CRISPLD1: variants seen among roughly 807,000 people sequenced by gnomAD.
CRISPLD1 encodes cysteine-rich secretory protein LCCL domain-containing 1.
CRISPLD1 carries 60 observed loss-of-function variants against 77.5 expected under a neutral mutation model. The ratio of observed to expected loss-of-function variants is 0.77; its 90% CI spans 0.63 to 0.96. The LOEUF (loss-of-function observed/expected upper bound fraction) is 0.96. CRISPLD1 is among the 40% of genes least tolerant of loss of function. The pLI is 0.00. For synonymous variants in CRISPLD1, 195 were observed against 200.1 expected, an observed-to-expected ratio of 0.97 and a Z score of 0.22; for missense variants, 623 against 615.8, an observed-to-expected ratio of 1.01 and a Z score of -0.12.
intron 7 of CRISPLD1, 33 bp downstream of exon 7, chr8:75,016,738 A>G (rs769812900): frequency 3.2e-6 from 5 of 1,585,696 alleles, no homozygotes; most frequent in African/African-American, 1.4e-5. Flanking sequence ...AAAAATTTTC[A>G]AAGTACATAA....
At chr8:75,013,444 A>G (rs1223211469) in intron 4 of CRISPLD1, among the ~76,000 whole-genome samples, 1 of 152,130 alleles carries the variant, frequency 6.6e-6, no homozygotes, top group Non-Finnish European at 1.5e-5. Context: ...AAATCAAACA[A>G]CTAAAGGCAG....
intron 2 of CRISPLD1, among the ~76,000 whole-genome samples, chr8:74,989,477 C>T (rs72669294): frequency 0.13 from 20,322 of 151,718 alleles, 1,538 homozygotes; most frequent in African/African-American, 0.22. Flanking sequence ...CCATTCTAGG[C>T]GTTGTTCTTC....
rs980533654 is a variant in CRISPLD1, at chr8:74,984,718, A to G, written c.-265A>G. On this transcript the variant is annotated 5_prime_UTR_variant, in exon 1 of 15. Coordinates refer to ENST00000262207, the MANE Select transcript of CRISPLD1 (RefSeq NM_031461.6). ...TCTAATTTTGGACGCTTTGCCTGCC[A>G]TTTCTTCCAGGTTGAGGGAGCCGCA... is the stretch of plus-strand genomic sequence containing the variant. The G allele has an allele frequency of 6.6e-6, 1 of 152,290 alleles. No individual in the cohort carries two copies. Among genetic ancestry groups the G allele is most frequent in the African/African-American group, 2.4e-5 (1 of 41,442 alleles). 9.4% of individuals were successfully genotyped at this position (152,290 alleles called of 1,614,324 possible).
At position 75,021,855 on chromosome 8, in the gene CRISPLD1, G is replaced by A. The variant is rs1322565872; in HGVS notation, c.1244+1776G>A. Among the ~76,000 whole-genome samples, 3 of 152,080 alleles carry A rather than the reference G, an allele frequency of 2.0e-5. No homozygotes were observed. The East Asian group carries it at 5.8e-4, about 29-fold the overall frequency. ...CTTTAGAATTTAAATTTATAAATATGTATTAAATACCTACTAAGTACGAAT... is the reference window on the plus strand; with the variant it reads ...CTTTAGAATTTAAATTTATAAATATATATTAAATACCTACTAAGTACGAAT... On this transcript the variant is annotated intron_variant, in intron 12 of 14. Coordinates refer to ENST00000262207, the MANE Select transcript of CRISPLD1 (RefSeq NM_031461.6).
intron 2 of CRISPLD1, among the ~76,000 whole-genome samples, chr8:74,987,681 T>A (rs1812516695): frequency 6.6e-6 from 1 of 152,188 alleles, no homozygotes; most frequent in Non-Finnish European, 1.5e-5. Flanking sequence ...TTCTATGACT[T>A]CTTCATCTGT....
chr8:75,007,667 T>C (rs1812857289), intron 2 of CRISPLD1, among the ~76,000 whole-genome samples: 1 of 141,642 alleles, frequency 7.1e-6, no homozygotes, highest in South Asian at 2.2e-4. Flanking sequence ...CATCGACTTT[T>C]TTTTTTTTTT....
chr8:74,996,991 A>T (rs749607325), intron 2 of CRISPLD1, among the ~76,000 whole-genome samples: 1 of 152,140 alleles, frequency 6.6e-6, no homozygotes, highest in African/African-American at 2.4e-5. Context: ...TGCAGGGATT[A>T]TAGGCGAGAG....
At chr8:75,002,317 C>T (rs113921033) in intron 2 of CRISPLD1, among the ~76,000 whole-genome samples, 1 of 149,004 alleles carries the variant, frequency 6.7e-6, no homozygotes, top group African/African-American at 2.5e-5. Flanking sequence ...TACAGCAAAT[C>T]AAGCAGATTC....
At chr8:74,999,871 A>G (rs1317147897) in intron 2 of CRISPLD1, among the ~76,000 whole-genome samples, 2 of 151,466 alleles carry the variant, frequency 1.3e-5, no homozygotes, top group Non-Finnish European at 2.9e-5. Flanking sequence ...AAGTCAATCT[A>G]ATTGGAAGAG....
chr8:74,989,718 A>C (rs147731097), intron 2 of CRISPLD1, among the ~76,000 whole-genome samples: 3 of 151,700 alleles, frequency 2.0e-5, no homozygotes, highest in African/African-American at 7.3e-5. Flanking sequence ...CTCTGTGGTT[A>C]TTTCTTGCTG....
intron 14 of CRISPLD1, among the ~76,000 whole-genome samples, chr8:75,030,339 A>G (rs1813313009): frequency 6.6e-6 from 1 of 152,122 alleles, no homozygotes; most frequent in Non-Finnish European, 1.5e-5. Flanking sequence ...ATCTGTTTTC[A>G]TATTAGACTA....
At chr8:75,030,477 G>A (rs1489016309) in intron 14 of CRISPLD1, among the ~76,000 whole-genome samples, 2 of 152,050 alleles carry the variant, frequency 1.3e-5, no homozygotes, top group African/African-American at 4.8e-5. Context: ...GCTAAACTGA[G>A]TGATATGGTT....
In CRISPLD1 at chr8:75,025,558, T is replaced by G; in HGVS notation, c.1257T>G (p.Pro419=). The change falls in exon 13 of 15, where the codon CCT becomes CCG. Residue 419 remains proline (P), a synonymous_variant. Transcript: ENST00000262207. ...TTATTTTTTTCAGAGTATACTGTCC[T>G]CGTAACTGTATGCAAGCAAATCCAC... The part of the protein sequence containing the change: ...PASHCPRVYC[P]RNCMQANPHY... 1 of 1,557,068 alleles carries G rather than the reference T, an allele frequency of 6.4e-7. No individual in the cohort carries two copies. Among genetic ancestry groups the G allele is most frequent in the South Asian group, 1.1e-5 (1 of 88,442 alleles).
At chr8:75,000,808 G>A (rs1460310801) in intron 2 of CRISPLD1, among the ~76,000 whole-genome samples, 1 of 151,936 alleles carries the variant, frequency 6.6e-6, no homozygotes, top group Non-Finnish European at 1.5e-5. Flanking sequence ...GCTGACACAT[G>A]CCCTAAGCTC....
chr8:75,024,433 C>T (rs1326997957), intron 12 of CRISPLD1, among the ~76,000 whole-genome samples: 1 of 152,122 alleles, frequency 6.6e-6, no homozygotes, highest in Non-Finnish European at 1.5e-5. Flanking sequence ...TCCAACAATT[C>T]TCCTCCATCA....
chr8:74,991,974 A>T (rs1338864796), intron 2 of CRISPLD1, among the ~76,000 whole-genome samples: 1 of 152,212 alleles, frequency 6.6e-6, no homozygotes, highest in Non-Finnish European at 1.5e-5. Flanking sequence ...GAAATATCAT[A>T]TTTGTTTTCC....
chr8:74,995,295 A>G (rs893540222), intron 2 of CRISPLD1, among the ~76,000 whole-genome samples: 3 of 152,240 alleles, frequency 2.0e-5, no homozygotes, highest in Non-Finnish European at 4.4e-5. Flanking sequence ...CTGCTTATAA[A>G]GCTCAAGTAA....
intron 2 of CRISPLD1, among the ~76,000 whole-genome samples, chr8:74,987,371 G>T (rs2128780336): frequency 6.6e-6 from 1 of 152,230 alleles, no homozygotes; most frequent in Non-Finnish European, 1.5e-5. Context: ...TGTGACATTG[G>T]GCGCTTGCTA....
chr8:74,994,177 C>T (rs1452732053), intron 2 of CRISPLD1, among the ~76,000 whole-genome samples: 1 of 152,122 alleles, frequency 6.6e-6, no homozygotes, highest in Non-Finnish European at 1.5e-5. Flanking sequence ...AAGGCAATTG[C>T]AGTAATCGTA....
Sources: allele counts gnomAD v4.1 joint callset (sites outside exome capture counted in the v4.1 genomes callset), GRCh38; gene constraint gnomAD v4.1.1; transcripts MANE v1.5; gene names NCBI Gene and HGNC (gene_info 2026-07-23, HGNC 2026-07-21).